LRRTM4: variants seen among roughly 807,000 people sequenced by gnomAD.
LRRTM4 encodes the protein leucine-rich repeat transmembrane neuronal protein 4.
LRRTM4 carries 25 observed loss-of-function variants against 47.6 expected under a neutral mutation model. The ratio of observed to expected loss-of-function variants is 0.53; its 90% CI spans 0.38 to 0.73. The LOEUF (loss-of-function observed/expected upper bound fraction) is 0.73, where lower values mean the gene tolerates loss of function less well. LRRTM4 is among the 30% of genes least tolerant of loss of function. LRRTM4 has a pLI of 0.00. For missense variants in LRRTM4, 638 were observed against 713.4 expected (o/e 0.89, Z 1.20); for synonymous variants, 311 against 269.5 (o/e 1.15, Z -1.51).
chr2:76,834,444 C>G (rs1671451726), intron 3 of LRRTM4, among the ~76,000 whole-genome samples: 1 of 151,970 alleles, frequency 6.6e-6, no homozygotes, highest in African/African-American at 2.4e-5. Flanking sequence ...CTAAATTATT[C>G]TTCAATGAGA....
intron 3 of LRRTM4, among the ~76,000 whole-genome samples, chr2:76,979,975 CAGATG>C (rs1219351092): frequency 6.6e-6 from 1 of 152,060 alleles, no homozygotes; most frequent in Non-Finnish European, 1.5e-5. Flanking sequence ...CCCCTGGCCA[CAGATG>C]ATTTGTCGCT....
chr2:77,457,002 GTGTATATATA>G (rs1210058375), intron 3 of LRRTM4, among the ~76,000 whole-genome samples: 2 of 12,590 alleles, frequency 1.6e-4, no homozygotes, highest in African/African-American at 3.8e-4. Flanking sequence ...ATGTGTGTGT[GTGTATATATA>G]TATATATATA....
intron 3 of LRRTM4, among the ~76,000 whole-genome samples, chr2:77,122,003 G>T (rs1671532890): frequency 1.3e-5 from 2 of 151,682 alleles, no homozygotes; most frequent in African/African-American, 4.8e-5. Context: ...CACTGCTATT[G>T]TTGTTTTAGA....
At chr2:77,361,342 A>G (rs765339304) in intron 3 of LRRTM4, among the ~76,000 whole-genome samples, 1 of 152,080 alleles carries the variant, frequency 6.6e-6, no homozygotes, top group Non-Finnish European at 1.5e-5. Flanking sequence ...CATTTAGGTT[A>G]AAGAAACTTC....
intron 3 of LRRTM4, among the ~76,000 whole-genome samples, chr2:77,441,669 T>C (rs2103930333): frequency 6.6e-6 from 1 of 152,310 alleles, no homozygotes; most frequent in Non-Finnish European, 1.5e-5. Flanking sequence ...GATACATAGT[T>C]GATATATAGA....
intron 3 of LRRTM4, among the ~76,000 whole-genome samples, chr2:77,288,588 C>T (rs1216652005): frequency 6.6e-6 from 1 of 151,912 alleles, no homozygotes; most frequent in Non-Finnish European, 1.5e-5. Context: ...ATAAACATAC[C>T]ATTGCATTTT....
At chr2:76,890,049 G>A (rs911688409) in intron 3 of LRRTM4, among the ~76,000 whole-genome samples, 2 of 151,928 alleles carry the variant, frequency 1.3e-5, no homozygotes, top group South Asian at 2.1e-4. Flanking sequence ...ATTTGGAAAT[G>A]AATGTCCCAT....
At chr2:77,422,348 A>T (rs1160281350) in intron 3 of LRRTM4, among the ~76,000 whole-genome samples, 4 of 152,208 alleles carry the variant, frequency 2.6e-5, no homozygotes, top group African/African-American at 9.6e-5. Context: ...AAAGAGCAAA[A>T]CACCATATAA....
chr2:76,794,538 T>C (rs564130138), intron 3 of LRRTM4, among the ~76,000 whole-genome samples: 1 of 132,978 alleles, frequency 7.5e-6, no homozygotes, highest in African/African-American at 2.8e-5. Flanking sequence ...CTATCTAGAC[T>C]TAATTGAATT....
intron 3 of LRRTM4, among the ~76,000 whole-genome samples, chr2:77,010,596 G>A (rs1677837447): frequency 6.7e-6 from 1 of 149,432 alleles, no homozygotes; most frequent in Non-Finnish European, 1.5e-5. Context: ...TCCATTCCCT[G>A]GCTATTGTGA....
chr2:76,799,817 CAGAG>C (rs1345187436), intron 3 of LRRTM4, among the ~76,000 whole-genome samples: 1 of 141,806 alleles, frequency 7.1e-6, no homozygotes, highest in African/African-American at 2.7e-5. Context: ...AACAGACAAA[CAGAG>C]AGCCAAATCA....
intron 3 of LRRTM4, among the ~76,000 whole-genome samples, chr2:77,083,927 C>G (rs1680621644): frequency 1.3e-5 from 2 of 150,756 alleles, no homozygotes; most frequent in Non-Finnish European, 3.0e-5. Context: ...GCCTCAGCCT[C>G]CCGAGTAGCT....
At position 77,324,351 on chromosome 2, in the gene LRRTM4, T is replaced by C. The variant is rs142883193; in HGVS notation, c.1551+193967A>G. On this transcript the variant is annotated intron_variant, in intron 3 of 3. Transcript: ENST00000409884. ...CTGGAGGAAGAGACAGATTATTAAA[T>C]AGGTAAGCTCATATGCACACAAATA... Among the ~76,000 whole-genome samples, 337 of 152,210 alleles carry C rather than the reference T, an allele frequency of 2.2e-3. 1 individual carries two copies. The highest frequency in any genetic ancestry group is 7.6e-3 in the African/African-American group (316 of 41,550).
rs111940621 is a variant in LRRTM4 at position 77,169,607 on chromosome 2, A to G, written c.1551+348711T>C. On this transcript the variant is annotated intron_variant, in intron 3 of 3. Coordinates refer to ENST00000409884, the MANE Select transcript of LRRTM4 (RefSeq NM_001134745.3). ...TTATTGTGGAAGTGGGTTCTTGATA[A>G]AACAATGAAATTTGACCCCCATTCT... 9.6e-3 allele frequency among the ~76,000 whole-genome samples: 1,467 copies of G among 152,228 alleles called. 17 individuals carry two copies. Among genetic ancestry groups the G allele is most frequent in the African/African-American group, 0.033 (1,360 of 41,562 alleles).
At chr2:76,749,065 T>G (rs114643266) in intron 3 of LRRTM4, 149 bp from the exon 4 acceptor site, 25 of 645,268 alleles carry the variant, frequency 3.9e-5, no homozygotes, top group Admixed American at 1.9e-4. Context: ...AACAAAATGA[T>G]GATTACTATT....
chr2:77,425,210 C>G (rs1400116719), intron 3 of LRRTM4, among the ~76,000 whole-genome samples: 1 of 152,120 alleles, frequency 6.6e-6, no homozygotes. Context: ...AAGTTAGAGA[C>G]CTTCCAGTTT....
intron 3 of LRRTM4, among the ~76,000 whole-genome samples, chr2:76,809,501 GA>G (rs1429796830): frequency 2.0e-5 from 3 of 152,178 alleles, no homozygotes; most frequent in Admixed American, 6.6e-5. Flanking sequence ...TTACTGGGGG[GA>G]AAAATTGTAA....
intron 3 of LRRTM4, among the ~76,000 whole-genome samples, chr2:77,176,937 A>T (rs1459301920): frequency 6.6e-6 from 1 of 152,196 alleles, no homozygotes; most frequent in Non-Finnish European, 1.5e-5. Flanking sequence ...ATACATTAAT[A>T]TAATAAAGAA....
intron 3 of LRRTM4, among the ~76,000 whole-genome samples, chr2:77,035,596 A>T (rs1678810479): frequency 6.6e-6 from 1 of 151,902 alleles, no homozygotes; most frequent in Non-Finnish European, 1.5e-5. Flanking sequence ...AAGCTGTTAT[A>T]ATTTTGTTAT....
Sources: gnomAD v4.1 joint callset for allele counts (sites outside exome capture counted in the v4.1 genomes callset) on GRCh38, gnomAD v4.1.1 for gene constraint, MANE v1.5 for transcripts, NCBI Gene and HGNC (gene_info 2026-07-23, HGNC 2026-07-21) for gene names.